Variants in BRIX1 observed in about 807,000 individuals in gnomAD.
BRIX1 encodes ribosome biogenesis protein BRX1 homolog.
A neutral mutation model predicts 44.0 loss-of-function variants in BRIX1; 15 were observed. That is an observed-to-expected ratio of 0.34 (90% confidence interval 0.23 to 0.53). BRIX1 has a LOEUF of 0.53. Among genes scored for constraint, BRIX1 ranks in the 20% least tolerant of loss-of-function variants. The pLI is 0.95. For missense variants in BRIX1, 420 were observed against 432.8 expected (o/e 0.97, Z 0.26); for synonymous variants, 149 against 135.4 (o/e 1.10, Z -0.70).
chr5:34,923,120 CT>C lies in BRIX1; in HGVS notation c.562-7del. The stretch of plus-strand genomic sequence containing the variant: ...TCTTGGAATAAGGAACTAACATACA[CT>C]TTTTTAACTAGATCTTTAGTACACC... On this transcript the variant is annotated splice_polypyrimidine_tract_variant and intron_variant, in intron 7 of 9. Coordinates refer to ENST00000336767, the MANE Select transcript of BRIX1 (RefSeq NM_018321.4). 1.2e-6 allele frequency: 2 copies of C among 1,606,640 alleles called. No homozygotes were observed. The highest frequency in any genetic ancestry group is 8.5e-7 in the Non-Finnish European group (1 of 1,173,366).
chr5:34,915,867 G>T lies in BRIX1; in HGVS notation c.129G>T (p.Glu43Asp). Residue 43 changes from glutamate (E) to aspartate (D), a missense_variant, in exon 1 of 10, where the codon GAG becomes GAT. Coordinates refer to ENST00000336767, the MANE Select transcript of BRIX1 (RefSeq NM_018321.4). ...HATAEEVEEE[E>D]RDRIPGPVCK... ...CAGCAGAGGAGGTGGAGGAAGAAGA[G>T]AGGGACCGGATCCCAGGCCCCGTTT... 2 of 1,562,306 alleles carry T rather than the reference G, an allele frequency of 1.3e-6. No homozygotes were observed. Among genetic ancestry groups the T allele is most frequent in the Non-Finnish European group, 1.7e-6 (2 of 1,153,072 alleles).
intron 8 of BRIX1, among the ~76,000 whole-genome samples, chr5:34,924,199 G>A (rs1405127844): frequency 6.6e-6 from 1 of 152,202 alleles, no homozygotes; most frequent in African/African-American, 2.4e-5. Flanking sequence ...GATAAGTGCA[G>A]AAAGATGAAG....
intron 3 of BRIX1, chr5:34,920,825 A>T (rs1764221920): frequency 1.3e-5 from 2 of 151,958 alleles, no homozygotes; most frequent in African/African-American, 2.4e-5. Context: ...AAGAAACAAA[A>T]GTTTTGTTTT....
chr5:34,925,247 A>G lies in BRIX1; in HGVS notation c.814A>G (p.Ile272Val). ...PNMHRRVIRS[I>V]TAAKYREKQQ... ...TTAGCATCGGCGTGTCATAAGATCC[A>G]TCACAGCTGCAAAATACAGAGAGAA... Residue 272 changes from isoleucine (I) to valine (V), a missense_variant, in exon 10 of 10, where the codon ATC (isoleucine) becomes GTC (valine). Physicochemically the swap from Ile to Val is conservative, Grantham distance 29. Transcript: ENST00000336767. 1 of 1,603,972 alleles carries G rather than the reference A, an allele frequency of 6.2e-7. No homozygotes were observed. The highest frequency in any genetic ancestry group is 8.5e-7 in the Non-Finnish European group (1 of 1,176,820).
At chr5:34,916,432 C>G (rs1764092912) in intron 1 of BRIX1, 1 of 152,324 alleles carries the variant, frequency 6.6e-6, no homozygotes. Context: ...TACTTGTATT[C>G]AACAGACATT....
intron 8 of BRIX1, among the ~76,000 whole-genome samples, chr5:34,923,607 C>T (rs755849971): frequency 2.4e-4 from 37 of 152,148 alleles, no homozygotes; most frequent in Admixed American, 1.7e-3. Flanking sequence ...TAGAGTGTCG[C>T]AGTGTTGCCT....
At chr5:34,918,660 A>G (rs1764171193) in intron 2 of BRIX1, 185 bp downstream of exon 2, 1 of 484,712 alleles carries the variant, frequency 2.1e-6, no homozygotes, top group Non-Finnish European at 3.7e-6. Flanking sequence ...AGATTTCATT[A>G]GGTAGATTCT....
rs1764361435 is a variant in BRIX1, at chr5:34,925,578, A to G, written c.*83A>G. The G allele has an allele frequency of 6.8e-6, 8 of 1,169,316 alleles. No homozygotes were observed. The highest frequency in any genetic ancestry group is 4.7e-5 in the African/African-American group (3 of 64,166). The allele number at this position is 1,169,316 out of a possible 1,614,324, so 72.4% of individuals were successfully genotyped here. ...GTAAATACTTTTATTATCTAATACT[A>G]TCTTACGTCTAATTAGTGTAGCATT... On this transcript the variant is annotated 3_prime_UTR_variant, in exon 10 of 10. Transcript: ENST00000336767.
At chr5:34,919,274 C>CA (rs71299559) in intron 2 of BRIX1, among the ~76,000 whole-genome samples, 4,852 of 35,802 alleles carry the variant, frequency 0.14, 690 homozygotes, top group Non-Finnish European at 0.19. Context: ...GACCCTGTCT[C>CA]AAAAAAAAAA....
intron 1 of BRIX1, 53 bp downstream of exon 1, chr5:34,915,950 T>A (rs1764067458): frequency 3.4e-6 from 5 of 1,484,046 alleles, no homozygotes; most frequent in Non-Finnish European, 4.5e-6. Context: ...TGTGCGCCTT[T>A]TCTTGGGTTA....
chr5:34,922,988 C>G lies in BRIX1; in HGVS notation c.511-13C>G, dbSNP rs1445180322. The G allele has an allele frequency of 6.7e-7, 1 of 1,502,534 alleles. No individual in the cohort carries two copies. Among genetic ancestry groups the G allele is most frequent in the Non-Finnish European group, 9.2e-7 (1 of 1,083,460 alleles). 93.1% of individuals were successfully genotyped at this position (1,502,534 alleles called of 1,614,324 possible). ...GTCTACTGTTAAATAATATGCTTAC[C>G]TTATTTTTATAGGCTTTTGATGAAT... On this transcript the variant is annotated splice_polypyrimidine_tract_variant and intron_variant, in intron 6 of 9. Coordinates refer to ENST00000336767, the MANE Select transcript of BRIX1 (RefSeq NM_018321.4).
In BRIX1 at chr5:34,925,693, C is replaced by G. The variant is rs1764364147; in HGVS notation, c.*198C>G. On this transcript the variant is annotated 3_prime_UTR_variant, in exon 10 of 10. Coordinates refer to ENST00000336767, the MANE Select transcript of BRIX1 (RefSeq NM_018321.4). ...GAATTCATCAGTTAATTTCTGATTT[C>G]TTTTTGAAGTTTGTGTTGCTAAAAA... is the stretch of plus-strand genomic sequence containing the variant. 2 of 524,174 alleles carry G rather than the reference C, an allele frequency of 3.8e-6. No individual in the cohort carries two copies. Among genetic ancestry groups the G allele is most frequent in the Admixed American group, 3.8e-5 (1 of 26,342 alleles). 32.5% of individuals were successfully genotyped at this position (524,174 alleles called of 1,614,324 possible). A position where few individuals can be genotyped will look rare whatever the true frequency, so the allele number is the denominator to read the frequency against.
intron 2 of BRIX1, 130 bp from the exon 3 acceptor site, chr5:34,919,710 A>G: frequency 2.7e-6 from 1 of 366,774 alleles, no homozygotes; most frequent in Non-Finnish European, 5.1e-6. Flanking sequence ...TTTGAAAATT[A>G]GTAATAAAAT....
chr5:34,919,957 C>A, intron 3 of BRIX1, 74 bp downstream of exon 3: 1 of 593,068 alleles, frequency 1.7e-6, no homozygotes, highest in Non-Finnish European at 3.0e-6. Flanking sequence ...CTAAGTCATT[C>A]AGTGACTTTA....
At chr5:34,922,633 A>G (rs1459899974) in intron 5 of BRIX1, 45 bp downstream of exon 5, 5 of 1,586,432 alleles carry the variant, frequency 3.2e-6, no homozygotes, top group Non-Finnish European at 4.3e-6. Flanking sequence ...AATTAAAAGT[A>G]ATCTTTTGAA....
At chr5:34,918,510 C>T (rs766390911) in intron 2 of BRIX1, 35 bp downstream of exon 2, 2 of 1,176,598 alleles carry the variant, frequency 1.7e-6, no homozygotes, top group East Asian at 2.6e-5. Context: ...AAATTTCTAT[C>T]TATAAACTTA....
rs773030247 is a variant in BRIX1 at position 34,918,347 on chromosome 5, A to ATTTTCT, written c.160-8_160-3dup. The ATTTTCT allele has an allele frequency of 7.9e-7, 1 of 1,265,328 alleles. No individual in the cohort carries two copies. Among genetic ancestry groups the ATTTTCT allele is most frequent in the South Asian group, 1.2e-5 (1 of 81,138 alleles). 78.4% of individuals were successfully genotyped at this position (1,265,328 alleles called of 1,614,324 possible). ...GTATAAGATTTTAAAATCTTTTAAC[A>ATTTTCT]TTTTCTTTTTCTTTAGGGAAAGTGG... On this transcript the variant is annotated splice_polypyrimidine_tract_variant and intron_variant, in intron 1 of 9. Transcript: ENST00000336767.
chr5:34,924,406 A>G (rs1409481324), intron 8 of BRIX1, among the ~76,000 whole-genome samples: 4 of 152,208 alleles, frequency 2.6e-5, no homozygotes, highest in African/African-American at 9.6e-5. Context: ...CATAATCAGT[A>G]GCTATTAAAT....
At chr5:34,924,545 T>C (rs1489880773) in intron 8 of BRIX1, among the ~76,000 whole-genome samples, 1 of 152,226 alleles carries the variant, frequency 6.6e-6, no homozygotes, top group Admixed American at 6.5e-5. Flanking sequence ...GGTTACTGTT[T>C]TAAAATCCTG....
Sources: allele counts gnomAD v4.1 joint callset (sites outside exome capture counted in the v4.1 genomes callset), GRCh38; gene constraint gnomAD v4.1.1; transcripts MANE v1.5; gene names NCBI Gene and HGNC (gene_info 2026-07-23, HGNC 2026-07-21).